TIAM1: variants seen among roughly 807,000 people sequenced by gnomAD.
TIAM1 encodes rho guanine nucleotide exchange factor TIAM1.
A neutral mutation model predicts 163.5 loss-of-function variants in TIAM1; 65 were observed. The ratio of observed to expected loss-of-function variants is 0.40; its 90% confidence interval spans 0.33 to 0.49. The LOEUF (loss-of-function observed/expected upper bound fraction) is 0.49, where lower values mean the gene tolerates loss of function less well. Ranked by LOEUF, TIAM1 falls within the 20% of genes least tolerant of loss-of-function variation. The probability of loss-of-function intolerance (pLI) is 0.77; values close to 1 mark genes in which losing one functional copy is unlikely to be tolerated. For synonymous variants in TIAM1, 833 were observed against 810.1 expected, an observed-to-expected ratio of 1.03 and a Z score of -0.48; for missense variants, 1,789 against 2,044.7, an observed-to-expected ratio of 0.87 and a Z score of 2.41.
intron 2 of TIAM1, among the ~76,000 whole-genome samples, chr21:31,364,901 C>A (rs894047350): frequency 1.3e-5 from 2 of 152,104 alleles, no homozygotes; most frequent in Admixed American, 6.6e-5. Context: ...TCAATCTTTG[C>A]GAGCCATATA....
chr21:31,272,144 A>C (rs543252843), intron 3 of TIAM1, among the ~76,000 whole-genome samples: 10 of 152,342 alleles, frequency 6.6e-5, no homozygotes, highest in South Asian at 2.1e-4. Flanking sequence ...GCTGAGCAAA[A>C]TCATCTGACA....
intron 1 of TIAM1, among the ~76,000 whole-genome samples, chr21:31,477,139 T>C (rs2045958806): frequency 6.6e-6 from 1 of 152,220 alleles, no homozygotes; most frequent in African/African-American, 2.4e-5. Context: ...GAAATTGCCC[T>C]TTTGGTAGCT....
intron 2 of TIAM1, among the ~76,000 whole-genome samples, chr21:31,414,480 T>C (rs1326424279): frequency 1.3e-5 from 2 of 152,134 alleles, no homozygotes; most frequent in African/African-American, 4.8e-5. Flanking sequence ...CAGGGGCCAG[T>C]GGCAGATGGA....
chr21:31,368,389 T>C (rs755668398), intron 2 of TIAM1, among the ~76,000 whole-genome samples: 6 of 152,226 alleles, frequency 3.9e-5, no homozygotes, highest in Non-Finnish European at 5.9e-5. Flanking sequence ...TTACTGTTTG[T>C]AGCTCAACAA....
chr21:31,407,508 G>A (rs889659773), intron 2 of TIAM1, among the ~76,000 whole-genome samples: 4 of 152,202 alleles, frequency 2.6e-5, no homozygotes, highest in Admixed American at 6.5e-5. Context: ...GCTGAGGTGA[G>A]CCACTGGATA....
In TIAM1 at chr21:31,202,893, C is replaced by T; in HGVS notation, c.2493+15G>A. 6.2e-7 allele frequency: 1 copy of T among 1,605,214 alleles called. No homozygotes were observed. On this transcript the variant is annotated intron_variant, in intron 12 of 27. Transcript: ENST00000541036. ...TCTCCCATAAAGTGTGCTTGGACAA[C>T]AGTCATAACATTACCAGCTCATAGA...
chr21:31,260,765 T>C (rs1006196403), intron 4 of TIAM1, among the ~76,000 whole-genome samples: 6 of 146,764 alleles, frequency 4.1e-5, no homozygotes, highest in African/African-American at 1.5e-4. Context: ...GTTTTAAAAA[T>C]CGATTTTACA....
chr21:31,521,157 C>T (rs961608075), intron 1 of TIAM1, among the ~76,000 whole-genome samples: 20 of 152,192 alleles, frequency 1.3e-4, no homozygotes, highest in Admixed American at 7.2e-4. Context: ...GCCTCAACTC[C>T]GCCACCTTCT....
chr21:31,210,456 T>A (rs1427300358), intron 10 of TIAM1, among the ~76,000 whole-genome samples: 12 of 147,920 alleles, frequency 8.1e-5, no homozygotes, highest in Non-Finnish European at 1.0e-4. Context: ...ACAGCATCCA[T>A]AGGTGATCAC....
chr21:31,232,387 A>T (rs2088491994), intron 6 of TIAM1, among the ~76,000 whole-genome samples: 1 of 152,158 alleles, frequency 6.6e-6, no homozygotes, highest in Non-Finnish European at 1.5e-5. Context: ...ATTCTCTATC[A>T]TGAAGCCAAA....
upstream of TIAM1, among the ~76,000 whole-genome samples, chr21:31,344,923 C>A (rs1418627286): frequency 2.6e-5 from 4 of 152,168 alleles, no homozygotes; most frequent in Non-Finnish European, 5.9e-5. Context: ...TTTGATTTCC[C>A]ATGAGCAATT....
intron 2 of TIAM1, among the ~76,000 whole-genome samples, chr21:31,328,673 A>G (rs937251624): frequency 1.3e-5 from 2 of 151,872 alleles, no homozygotes; most frequent in Non-Finnish European, 2.9e-5. Flanking sequence ...TAAGGCCCGC[A>G]TGCATTAGGT....
intron 19 of TIAM1, among the ~76,000 whole-genome samples, chr21:31,152,422 C>A (rs769468745): frequency 3.9e-5 from 6 of 152,176 alleles, no homozygotes; most frequent in Non-Finnish European, 7.3e-5. Context: ...CTTCTTCTCA[C>A]GTAAAAGCCA....
At chr21:31,455,749 T>C (rs915012800) in intron 2 of TIAM1, among the ~76,000 whole-genome samples, 8 of 152,176 alleles carry the variant, frequency 5.3e-5, no homozygotes, top group African/African-American at 1.7e-4. Context: ...CAGATTCTAA[T>C]TGTGGAAAAA....
chr21:31,389,552 A>C (rs1168861726), intron 2 of TIAM1, among the ~76,000 whole-genome samples: 2 of 152,242 alleles, frequency 1.3e-5, no homozygotes, highest in African/African-American at 4.8e-5. Flanking sequence ...TAGCCTAAGC[A>C]ACAAAACAAG....
intron 6 of TIAM1, among the ~76,000 whole-genome samples, chr21:31,241,103 A>T (rs144422347): frequency 6.6e-6 from 1 of 152,102 alleles, no homozygotes; most frequent in Admixed American, 6.5e-5. Context: ...GCCTTCTGCC[A>T]TGACGGTGAG....
chr21:31,358,717 G>A (rs747327641), intron 2 of TIAM1, among the ~76,000 whole-genome samples: 19 of 151,650 alleles, frequency 1.3e-4, no homozygotes, highest in African/African-American at 2.9e-4. Flanking sequence ...ACTATAATCC[G>A]AGCCACCATT....
intron 4 of TIAM1, among the ~76,000 whole-genome samples, chr21:31,257,228 T>A (rs1270644242): frequency 4.6e-5 from 7 of 152,182 alleles, no homozygotes; most frequent in Non-Finnish European, 1.0e-4. Flanking sequence ...CTTCCTTTCT[T>A]AGGGCAAAAT....
At position 31,395,237 on chromosome 21, in the gene TIAM1, CAA is replaced by C. The variant is rs34322961; in HGVS notation, c.-368-55817_-368-55816del. ...TGGGCAACAGAGTGAGACTCTGTCT[CAA>C]AAAAAAAAAAGAGGAGGTGGGGGGA... On this transcript the variant is annotated intron_variant, in intron 2 of 28. Coordinates refer to the TIAM1 transcript ENST00000286827. This position sits in a 1 kb window ranked among gnomAD's most constrained non-coding sequence, Gnocchi z 7.5. Among the ~76,000 whole-genome samples the C allele has an allele frequency of 5.6e-3, 808 of 145,070 alleles. 5 individuals are homozygous for C. Among genetic ancestry groups the C allele is most frequent in the African/African-American group, 0.019 (734 of 38,986 alleles).
Sources: allele counts gnomAD v4.1 joint callset (sites outside exome capture counted in the v4.1 genomes callset), GRCh38; gene constraint gnomAD v4.1.1; non-coding constraint Gnocchi (gnomAD v3.1); transcripts MANE v1.5; gene names NCBI Gene and HGNC (gene_info 2026-07-23, HGNC 2026-07-21).